Variants in KALRN observed in about 807,000 individuals in gnomAD.
KALRN encodes the protein kalirin RhoGEF kinase, also known as kalirin.
Under a neutral mutation model 353.7 loss-of-function variants are expected in KALRN, and 70 were observed. That is an observed-to-expected ratio of 0.20 (90% CI 0.16 to 0.24). The LOEUF (loss-of-function observed/expected upper bound fraction) is 0.24, where lower values mean the gene tolerates loss of function less well. Among genes scored for constraint, KALRN ranks in the 10% least tolerant of loss-of-function variants. The pLI is 1.00. For missense variants in KALRN, 2,791 were observed against 3,756.7 expected, an observed-to-expected ratio of 0.74 and a Z score of 6.72; for synonymous variants, 1,391 against 1,434.8, an observed-to-expected ratio of 0.97 and a Z score of 0.69.
intron 1 of KALRN, among the ~76,000 whole-genome samples, chr3:124,225,510 G>A (rs2589556): frequency 1.3e-5 from 2 of 152,130 alleles, no homozygotes; most frequent in African/African-American, 4.8e-5. Context: ...AGAAGCCCTA[G>A]GAATCCTAGA....
chr3:124,461,608 T>C (rs535051960), intron 23 of KALRN, among the ~76,000 whole-genome samples: 2 of 152,100 alleles, frequency 1.3e-5, no homozygotes, highest in African/African-American at 4.8e-5. Flanking sequence ...ATCACAAGTA[T>C]TAATAGTAGG....
chr3:124,496,781 T>C (rs2063900724), intron 33 of KALRN, among the ~76,000 whole-genome samples: 1 of 152,204 alleles, frequency 6.6e-6, no homozygotes, highest in Non-Finnish European at 1.5e-5. Flanking sequence ...GTTGGAATAG[T>C]GTCCTGAGAC....
In KALRN at chr3:124,657,720, C is replaced by T. The variant is rs766671686; in HGVS notation, c.5967-14C>T. The T allele has an allele frequency of 1.2e-6, 2 of 1,602,888 alleles. No individual in the cohort carries two copies. Among genetic ancestry groups the T allele is most frequent in the South Asian group, 2.2e-5 (2 of 90,778 alleles). On this transcript the variant is annotated splice_polypyrimidine_tract_variant and intron_variant, in intron 40 of 59. Transcript: ENST00000682506. ...TAATGTGGCTTCCTTCTCTTATCCCCTTTCTCCTTTTAGTTTTTTCCTGGC... is the reference window on the plus strand; with the variant it reads ...TAATGTGGCTTCCTTCTCTTATCCCTTTTCTCCTTTTAGTTTTTTCCTGGC...
At chr3:124,251,586 G>A (rs2071184656) in intron 3 of KALRN, among the ~76,000 whole-genome samples, 2 of 152,062 alleles carry the variant, frequency 1.3e-5, no homozygotes. Context: ...GCCCAGGCTG[G>A]TCTCGAACCC....
chr3:124,299,691 A>G (rs1218516526), intron 6 of KALRN, among the ~76,000 whole-genome samples: 1 of 152,254 alleles, frequency 6.6e-6, no homozygotes, highest in Non-Finnish European at 1.5e-5. Context: ...TGTTAACTGT[A>G]AAACAATGAG....
intron 12 of KALRN, among the ~76,000 whole-genome samples, chr3:124,398,402 G>A (rs894507630): frequency 1.3e-5 from 2 of 152,108 alleles, no homozygotes; most frequent in Non-Finnish European, 2.9e-5. Context: ...GCCTTGTAGA[G>A]TCCTTTCTCA....
In KALRN at chr3:124,726,004, T is replaced by C. The variant is rs1246126688; in HGVS notation, c.*6534T>C. ...AGTATTGATAAATAGCTCTATATTT[T>C]CAAGGTGCAGAAGAATTCCACAGCC... On this transcript the variant is annotated 3_prime_UTR_variant, in exon 60 of 60. Coordinates refer to ENST00000682506, the MANE Select transcript of KALRN (RefSeq NM_001388419.1). The C allele has an allele frequency of 6.6e-6, 1 of 152,262 alleles. No individual in the cohort carries two copies. Among genetic ancestry groups the C allele is most frequent in the Non-Finnish European group, 1.5e-5 (1 of 68,044 alleles). 9.4% of individuals were successfully genotyped at this position (152,262 alleles called of 1,614,324 possible). A position where few individuals can be genotyped will look rare whatever the true frequency, so the allele number is the denominator to read the frequency against.
intron 3 of KALRN, among the ~76,000 whole-genome samples, chr3:124,246,451 G>C (rs1261154480): frequency 2.6e-5 from 4 of 152,124 alleles, no homozygotes; most frequent in Non-Finnish European, 2.9e-5. Flanking sequence ...AATCTAAAAA[G>C]GGCTTGCTTG....
chr3:124,557,481 T>TAGC (rs1404599412), intron 33 of KALRN, among the ~76,000 whole-genome samples: 1 of 152,208 alleles, frequency 6.6e-6, no homozygotes, highest in Admixed American at 6.5e-5. Context: ...TTCCAGGCAT[T>TAGC]AGCAGCAGGT....
chr3:124,382,950 T>C (rs1257098559), intron 10 of KALRN, among the ~76,000 whole-genome samples: 1 of 152,232 alleles, frequency 6.6e-6, no homozygotes, highest in East Asian at 1.9e-4. Context: ...TGACATACCC[T>C]GCTTTAACCC....
At chr3:124,243,286 A>G (rs939543285) in intron 3 of KALRN, among the ~76,000 whole-genome samples, 3 of 152,212 alleles carry the variant, frequency 2.0e-5, no homozygotes, top group Admixed American at 6.5e-5. Context: ...ACAGGGGCTC[A>G]TGGAAACGCT....
chr3:124,518,794 G>A (rs1577677106), intron 33 of KALRN: 39 of 1,240,572 alleles, frequency 3.1e-5, no homozygotes, highest in Admixed American at 1.1e-4. Flanking sequence ...CAGCAGGTAC[G>A]CCCAGGCTCC....
intron 1 of KALRN, among the ~76,000 whole-genome samples, chr3:124,150,241 G>T (rs754740332): frequency 3.3e-5 from 5 of 152,114 alleles, no homozygotes; most frequent in African/African-American, 9.7e-5. Flanking sequence ...TGCCCTAAAA[G>T]CTTCCAATGA....
At chr3:124,300,617 G>C (rs1321657357) in intron 6 of KALRN, among the ~76,000 whole-genome samples, 1 of 152,216 alleles carries the variant, frequency 6.6e-6, no homozygotes, top group Admixed American at 6.5e-5. Context: ...ATTTGAAGTG[G>C]CTGGGGACAT....
chr3:124,177,162 C>A (rs978679601), intron 1 of KALRN, among the ~76,000 whole-genome samples: 3 of 152,184 alleles, frequency 2.0e-5, no homozygotes, highest in Admixed American at 2.0e-4. Flanking sequence ...TATTCTCTGT[C>A]CCTTCCTTTT....
At chr3:124,366,459 A>G (rs867441376) in intron 10 of KALRN, among the ~76,000 whole-genome samples, 10 of 149,460 alleles carry the variant, frequency 6.7e-5, no homozygotes, top group East Asian at 2.0e-4. Flanking sequence ...ATCTTGCACC[A>G]CCCTTAATCC....
At chr3:124,654,828 T>A (rs2083824246) in intron 38 of KALRN, among the ~76,000 whole-genome samples, 1 of 149,250 alleles carries the variant, frequency 6.7e-6, no homozygotes, top group Non-Finnish European at 1.5e-5. Context: ...ATAAAATAGG[T>A]TTTACAATAC....
At chr3:124,444,852 A>G (rs1412805305) in intron 19 of KALRN, among the ~76,000 whole-genome samples, 2 of 152,042 alleles carry the variant, frequency 1.3e-5, no homozygotes, top group East Asian at 3.9e-4. Flanking sequence ...AGAAAGAAAA[A>G]AAAGCACTTA....
At chr3:124,318,800 G>A (rs772882782) in intron 6 of KALRN, among the ~76,000 whole-genome samples, 6 of 152,296 alleles carry the variant, frequency 3.9e-5, no homozygotes, top group East Asian at 1.9e-4. Flanking sequence ...CAGAGGGGCC[G>A]TGTAGAGAGG....
Sources: gnomAD v4.1 joint callset for allele counts (sites outside exome capture counted in the v4.1 genomes callset) on GRCh38, gnomAD v4.1.1 for gene constraint, MANE v1.5 for transcripts, NCBI Gene and HGNC (gene_info 2026-07-23, HGNC 2026-07-21) for gene names.